The following KCNT2 variants were observed in gnomAD, a reference collection of about 807,000 sequenced individuals.
KCNT2 encodes potassium sodium-activated channel subfamily T member 2.
KCNT2 carries 67 observed loss-of-function variants against 153.8 expected under a neutral mutation model. The observed-to-expected ratio is 0.44, with a 90% confidence interval of 0.36 to 0.53. The LOEUF (loss-of-function observed/expected upper bound fraction) is 0.53. KCNT2 is among the 20% of genes least tolerant of loss of function. The pLI, the probability that KCNT2 is intolerant of heterozygous loss-of-function variation, is 0.00. For missense variants in KCNT2, 975 were observed against 1,354.8 expected (o/e 0.72, Z 4.40); for synonymous variants, 500 against 458.8 (o/e 1.09, Z -1.15).
At chr1:196,556,895 G>C (rs1658742425) in intron 1 of KCNT2, among the ~76,000 whole-genome samples, 1 of 151,198 alleles carries the variant, frequency 6.6e-6, no homozygotes, top group Non-Finnish European at 1.5e-5. Flanking sequence ...GACAAACATT[G>C]CATGCTCTTA....
At chr1:196,267,790 A>T (rs1020644714) in intron 25 of KCNT2, among the ~76,000 whole-genome samples, 1 of 152,140 alleles carries the variant, frequency 6.6e-6, no homozygotes, top group African/African-American at 2.4e-5. Context: ...TCACCCTGCA[A>T]GTCTGACATA....
chr1:196,379,565 TTCTCTCTCTCTCTCTC>T lies in KCNT2; in HGVS notation c.1295-6333_1295-6318del, dbSNP rs67709356. The stretch of plus-strand genomic sequence containing the variant: ...CCAGCCTAGGTAATACAGTGAGACT[TTCTCTCTCTCTCTCTC>T]TCTCTCTCTCTCTCTCTCTCTCTCT... On this transcript the variant is annotated intron_variant, in intron 13 of 27. Transcript: ENST00000294725. 2.6e-3 allele frequency among the ~76,000 whole-genome samples: 359 copies of T among 136,248 alleles called. 2 individuals carry two copies. Among genetic ancestry groups the T allele is most frequent in the Middle Eastern group, 0.016 (4 of 244 alleles). The allele number at this position is 136,248 out of a possible 152,430, so 89.4% of individuals were successfully genotyped here.
chr1:196,302,111 T>C (rs964464075), intron 22 of KCNT2, among the ~76,000 whole-genome samples: 1 of 152,160 alleles, frequency 6.6e-6, no homozygotes, highest in Non-Finnish European at 1.5e-5. Context: ...CATCTACTTA[T>C]AGATAGATGG....
chr1:196,392,145 G>A (rs369848817), intron 13 of KCNT2, among the ~76,000 whole-genome samples: 2 of 151,270 alleles, frequency 1.3e-5, no homozygotes, highest in Non-Finnish European at 3.0e-5. Context: ...GTGGCAAAAT[G>A]TTAACAGTTT....
chr1:196,455,635 G>A (rs1676598187), intron 8 of KCNT2, among the ~76,000 whole-genome samples: 2 of 151,802 alleles, frequency 1.3e-5, no homozygotes, highest in African/African-American at 4.8e-5. Context: ...TCCATAGTGT[G>A]TTCTATTTCC....
intron 8 of KCNT2, among the ~76,000 whole-genome samples, chr1:196,445,440 G>C (rs1039328683): frequency 6.6e-6 from 1 of 151,308 alleles, no homozygotes; most frequent in African/African-American, 2.4e-5. Flanking sequence ...ATCAGAAATG[G>C]TCCAAATGTA....
At chr1:196,427,193 T>A (rs534808992) in intron 10 of KCNT2, among the ~76,000 whole-genome samples, 3 of 152,008 alleles carry the variant, frequency 2.0e-5, no homozygotes, top group South Asian at 4.1e-4. Flanking sequence ...CAAGTTAACA[T>A]ATGAAAACAA....
At chr1:196,541,423 C>A (rs1656351557) in intron 1 of KCNT2, among the ~76,000 whole-genome samples, 1 of 151,422 alleles carries the variant, frequency 6.6e-6, no homozygotes, top group Admixed American at 6.6e-5. Flanking sequence ...TTTTAAATGT[C>A]TCAAAACAAA....
intron 14 of KCNT2, among the ~76,000 whole-genome samples, chr1:196,350,564 T>A (rs1666581618): frequency 6.6e-6 from 1 of 152,188 alleles, no homozygotes; most frequent in Non-Finnish European, 1.5e-5. Flanking sequence ...GTTTTCTTCT[T>A]GTAAATTTGT....
intron 22 of KCNT2, among the ~76,000 whole-genome samples, chr1:196,292,544 C>A (rs1371399858): frequency 2.6e-5 from 4 of 152,098 alleles, no homozygotes; most frequent in Non-Finnish European, 5.9e-5. Flanking sequence ...CAGTGGCTCA[C>A]GCCTGTAATC....
At chr1:196,600,375 G>T (rs1426750882) in intron 1 of KCNT2, among the ~76,000 whole-genome samples, 1 of 152,218 alleles carries the variant, frequency 6.6e-6, no homozygotes, top group Non-Finnish European at 1.5e-5. Context: ...AGAGATGGAG[G>T]TGGTTGGCTG....
intron 22 of KCNT2, among the ~76,000 whole-genome samples, chr1:196,293,481 G>A (rs1660386835): frequency 6.6e-6 from 1 of 152,130 alleles, no homozygotes; most frequent in African/African-American, 2.4e-5. Flanking sequence ...ACAGGATAAA[G>A]AGCCCAGCAA....
intron 1 of KCNT2, among the ~76,000 whole-genome samples, chr1:196,595,413 G>A (rs752466993): frequency 6.6e-6 from 1 of 152,018 alleles, no homozygotes; most frequent in Admixed American, 6.6e-5. Flanking sequence ...GGCTACAATA[G>A]TCATGTGCTT....
At chr1:196,583,008 T>C (rs945161316) in intron 1 of KCNT2, among the ~76,000 whole-genome samples, 5 of 151,972 alleles carry the variant, frequency 3.3e-5, no homozygotes, top group African/African-American at 9.7e-5. Context: ...GGTCAAAAAA[T>C]AGGTGAATAT....
At chr1:196,360,036 T>C (rs1180340499) in intron 14 of KCNT2, among the ~76,000 whole-genome samples, 1 of 152,068 alleles carries the variant, frequency 6.6e-6, no homozygotes, top group Non-Finnish European at 1.5e-5. Flanking sequence ...TTCCTCAAAA[T>C]ATGTTTAATA....
At chr1:196,438,891 TTC>T (rs1387017580) in intron 8 of KCNT2, among the ~76,000 whole-genome samples, 1 of 151,922 alleles carries the variant, frequency 6.6e-6, no homozygotes, top group Non-Finnish European at 1.5e-5. Flanking sequence ...CAATAGAATT[TTC>T]TCTTTTTATA....
At chr1:196,506,697 TACA>T (rs901035099) in intron 1 of KCNT2, among the ~76,000 whole-genome samples, 2 of 152,148 alleles carry the variant, frequency 1.3e-5, no homozygotes, top group African/African-American at 4.8e-5. Context: ...ATAACTCAAT[TACA>T]ACATCACTCT....
At chr1:196,588,523 C>T (rs1331204894) in intron 1 of KCNT2, among the ~76,000 whole-genome samples, 1 of 151,982 alleles carries the variant, frequency 6.6e-6, no homozygotes, top group Non-Finnish European at 1.5e-5. Flanking sequence ...TTATTGCAAA[C>T]ATTCTGTTGA....
chr1:196,434,651 G>T (rs951532571), intron 8 of KCNT2, among the ~76,000 whole-genome samples: 3 of 151,818 alleles, frequency 2.0e-5, no homozygotes, highest in Non-Finnish European at 2.9e-5. Context: ...CCCTTCTTTT[G>T]CAATATAATA....
Sources: allele counts gnomAD v4.1 joint callset (sites outside exome capture counted in the v4.1 genomes callset), GRCh38; gene constraint gnomAD v4.1.1; transcripts MANE v1.5; gene names NCBI Gene and HGNC (gene_info 2026-07-23, HGNC 2026-07-21).